Variants in AFF3 observed in about 807,000 individuals in gnomAD.
AFF3 encodes the protein ALF transcription elongation factor 3, also known as AF4/FMR2 family member 3.
A neutral mutation model predicts 129.7 loss-of-function variants in AFF3; 32 were observed. The observed-to-expected ratio is 0.25, with a 90% confidence interval of 0.19 to 0.33. The LOEUF is 0.33. AFF3 is among the 10% of genes least tolerant of loss of function. AFF3 has a pLI of 1.00. For synonymous variants in AFF3, 644 were observed against 635.4 expected, an observed-to-expected ratio of 1.01 and a Z score of -0.20; for missense variants, 1,373 against 1,592.0, an observed-to-expected ratio of 0.86 and a Z score of 2.34.
intron 11 of AFF3, among the ~76,000 whole-genome samples, chr2:99,680,404 T>C (rs1674417592): frequency 6.6e-6 from 1 of 152,160 alleles, no homozygotes; most frequent in Admixed American, 6.5e-5. Context: ...AAGTAGTGTG[T>C]GAAAGAACAT....
At chr2:99,715,143 T>C (rs1678261659) in intron 11 of AFF3, among the ~76,000 whole-genome samples, 1 of 152,214 alleles carries the variant, frequency 6.6e-6, no homozygotes. Flanking sequence ...GAAGGTCCTG[T>C]CCTTGGAGAA....
rs1676751021 is a variant in AFF3, at chr2:99,573,987, T to TG, written c.2918+4339dup. Among the ~76,000 whole-genome samples, 3 of 152,168 alleles carry TG rather than the reference T, an allele frequency of 2.0e-5. No individual in the cohort carries two copies. In the South Asian group the frequency reaches 6.2e-4, roughly 32 times the overall value. On this transcript the variant is annotated intron_variant, in intron 18 of 24. Coordinates refer to ENST00000672756, the MANE Select transcript of AFF3 (RefSeq NM_001386135.1). ...CAAGCATCTCACCACCACTTAGCCC[T>TG]GTTCAGGACTTCTGTACGGAGGCCT...
Position 99,902,872 on chromosome 2 carries a change from A to C in AFF3, c.874-65348T>G, listed in dbSNP as rs147024169. Among the ~76,000 whole-genome samples the C allele has an allele frequency of 4.8e-3, 733 of 152,288 alleles. 3 individuals carry two copies. The highest frequency in any genetic ancestry group is 5.9e-3 in the Non-Finnish European group (400 of 68,010). On this transcript the variant is annotated intron_variant, in intron 7 of 24. Coordinates refer to ENST00000672756, the MANE Select transcript of AFF3 (RefSeq NM_001386135.1). ...TCCCATGCATAATGATGGAAAAAAT[A>C]TAGGAAAGTTTAGAGTTTATATTCT...
chr2:99,654,404 A>G (rs756110043), intron 12 of AFF3, among the ~76,000 whole-genome samples: 4 of 152,216 alleles, frequency 2.6e-5, no homozygotes, highest in Non-Finnish European at 4.4e-5. Flanking sequence ...CTCTCTTTAA[A>G]AAAACCTTCA....
chr2:99,874,641 A>C (rs952289650), intron 7 of AFF3, among the ~76,000 whole-genome samples: 2 of 152,220 alleles, frequency 1.3e-5, no homozygotes, highest in Admixed American at 6.5e-5. Flanking sequence ...AACAGAACTT[A>C]CTGAAATGTA....
Position 99,561,968 on chromosome 2 carries a change from T to C in AFF3, c.3120-1532A>G, listed in dbSNP as rs114394737. 9.7e-3 allele frequency among the ~76,000 whole-genome samples: 1,483 copies of C among 152,280 alleles called. 20 individuals are homozygous for C. The highest frequency in any genetic ancestry group is 0.033 in the African/African-American group (1,386 of 41,550). Reference sequence around the variant, plus strand: ...AATTCATGGCTTCACAGTTCCTTCTTTGAACCCTTGGAAACTGTCACGCCA... The same window carrying C: ...AATTCATGGCTTCACAGTTCCTTCTCTGAACCCTTGGAAACTGTCACGCCA... On this transcript the variant is annotated intron_variant, in intron 20 of 24. Transcript: ENST00000672756.
intron 1 of AFF3, among the ~76,000 whole-genome samples, chr2:100,136,309 C>T (rs949080666): frequency 2.0e-5 from 3 of 151,970 alleles, no homozygotes; most frequent in African/African-American, 7.3e-5. Flanking sequence ...CTTCACCACC[C>T]GGAGATGTGG....
At chr2:99,876,291 G>C (rs1692291795) in intron 7 of AFF3, among the ~76,000 whole-genome samples, 1 of 152,094 alleles carries the variant, frequency 6.6e-6, no homozygotes, top group Admixed American at 6.5e-5. Context: ...ACAACCATTT[G>C]GATATCTCAC....
chr2:99,816,138 G>A (rs1245402601), intron 8 of AFF3, among the ~76,000 whole-genome samples: 1 of 150,376 alleles, frequency 6.6e-6, no homozygotes, highest in African/African-American at 2.5e-5. Flanking sequence ...CCAGTCTATT[G>A]ATGAACTCAT....
At chr2:99,721,442 T>C (rs1359851433) in intron 11 of AFF3, among the ~76,000 whole-genome samples, 1 of 150,762 alleles carries the variant, frequency 6.6e-6, no homozygotes, top group Non-Finnish European at 1.5e-5. Flanking sequence ...GGCAGGACAA[T>C]CGCTTGAACC....
chr2:99,582,146 C>T lies in AFF3; in HGVS notation c.2793+652G>A, dbSNP rs910772541. ...CTGGGATTACAGGCATGAGCCACCACGCCCGGTCGGGGTCTTTTCATGATA... is the reference window on the plus strand; with the variant it reads ...CTGGGATTACAGGCATGAGCCACCATGCCCGGTCGGGGTCTTTTCATGATA... On this transcript the variant is annotated intron_variant, in intron 17 of 24. Coordinates refer to ENST00000672756, the MANE Select transcript of AFF3 (RefSeq NM_001386135.1). Among the ~76,000 whole-genome samples the T allele has an allele frequency of 5.3e-5, 8 of 152,294 alleles. No homozygotes were observed. The East Asian group carries it at 9.7e-4, about 18-fold the overall frequency.
rs188846268 is a variant in AFF3, at chr2:100,124,705, C to T, written c.-145+4519G>A. ...TGTATCAGGTCTTCAGGAAAAGGGA[C>T]TTAAAAAAATGACTTGGGGAAAATT... is the stretch of plus-strand genomic sequence containing the variant. On this transcript the variant is annotated intron_variant, in intron 2 of 24. Transcript: ENST00000672756. Among the ~76,000 whole-genome samples the T allele has an allele frequency of 3.1e-4, 47 of 151,920 alleles. 2 individuals carry two copies. The East Asian group carries it at 7.6e-3, about 24-fold the overall frequency.
At chr2:99,624,967 C>T (rs1180276858) in intron 13 of AFF3, among the ~76,000 whole-genome samples, 3 of 152,230 alleles carry the variant, frequency 2.0e-5, no homozygotes, top group Non-Finnish European at 4.4e-5. Context: ...ACCACACACA[C>T]TTGACACACA....
chr2:99,637,319 C>G (rs1188409156), intron 13 of AFF3, among the ~76,000 whole-genome samples: 1 of 152,262 alleles, frequency 6.6e-6, no homozygotes, highest in Non-Finnish European at 1.5e-5. Context: ...CCACTCATCA[C>G]AGATGCTTTT....
chr2:99,822,382 A>T lies in AFF3; in HGVS notation c.921+15095T>A, dbSNP rs1040534424. 1.2e-4 allele frequency among the ~76,000 whole-genome samples: 19 copies of T among 152,212 alleles called. No homozygotes were observed. The East Asian group carries it at 2.1e-3, about 17-fold the overall frequency. On this transcript the variant is annotated intron_variant, in intron 8 of 24. Transcript: ENST00000672756. Reference sequence around the variant, plus strand: ...TAGGGAGGTGGAGGCACACATTAAAAAAAATTGCCAAACCAAATTTATTGC... The same window carrying T: ...TAGGGAGGTGGAGGCACACATTAAATAAAATTGCCAAACCAAATTTATTGC...
At chr2:99,601,284 G>A (rs1019470719) in intron 14 of AFF3, 151 bp downstream of exon 14, 38 of 905,678 alleles carry the variant, frequency 4.2e-5, no homozygotes, top group Non-Finnish European at 5.2e-5. Context: ...TGTGGAGCCC[G>A]AAGCCCATAG....
intron 7 of AFF3, among the ~76,000 whole-genome samples, chr2:99,996,527 ATTTTTTTTTTTTT>A (rs756231548): frequency 7.0e-5 from 8 of 114,086 alleles, no homozygotes; most frequent in Non-Finnish European, 8.7e-5. Flanking sequence ...CGCCCGGCTA[ATTTTTTTTTTTTT>A]TTTTTTTTTT....
intron 7 of AFF3, among the ~76,000 whole-genome samples, chr2:99,901,945 G>A (rs1454426230): frequency 2.6e-5 from 4 of 151,330 alleles, no homozygotes; most frequent in South Asian, 4.2e-4. Context: ...ACAACTCCAC[G>A]TTCCGGCCTC....
intron 4 of AFF3, among the ~76,000 whole-genome samples, chr2:100,059,070 T>C (rs926286270): frequency 1.3e-5 from 2 of 151,932 alleles, no homozygotes; most frequent in African/African-American, 4.8e-5. Context: ...CTGGCCAACA[T>C]GGTGAAACCC....
Sources: gnomAD v4.1 joint callset for allele counts (sites outside exome capture counted in the v4.1 genomes callset) on GRCh38, gnomAD v4.1.1 for gene constraint, MANE v1.5 for transcripts, NCBI Gene and HGNC (gene_info 2026-07-23, HGNC 2026-07-21) for gene names.